Variants in PTPRT observed in about 807,000 individuals in gnomAD.
PTPRT encodes receptor-type tyrosine-protein phosphatase T.
A neutral mutation model predicts 176.8 loss-of-function variants in PTPRT; 56 were observed. The ratio of observed to expected loss-of-function variants is 0.32; its 90% confidence interval spans 0.26 to 0.40. The LOEUF is 0.40. PTPRT is among the 10% of genes least tolerant of loss of function. The probability of loss-of-function intolerance (pLI) is 1.00; values close to 1 mark genes in which losing one functional copy is unlikely to be tolerated. For missense variants in PTPRT, 1,540 were observed against 1,908.2 expected, an observed-to-expected ratio of 0.81 and a Z score of 3.60; for synonymous variants, 783 against 739.0, an observed-to-expected ratio of 1.06 and a Z score of -0.96.
At chr20:43,086,074 T>C (rs1234754818) in intron 1 of PTPRT, among the ~76,000 whole-genome samples, 1 of 152,032 alleles carries the variant, frequency 6.6e-6, no homozygotes, top group Non-Finnish European at 1.5e-5. Flanking sequence ...AAGACAAGCA[T>C]CTAAAGGGCA....
intron 1 of PTPRT, among the ~76,000 whole-genome samples, chr20:42,903,717 G>C (rs937372014): frequency 3.3e-5 from 5 of 152,190 alleles, no homozygotes; most frequent in African/African-American, 1.2e-4. Flanking sequence ...AGAATACAAA[G>C]AAGCCTCAAC....
intron 1 of PTPRT, among the ~76,000 whole-genome samples, chr20:42,906,160 C>A (rs1448948736): frequency 1.3e-5 from 2 of 152,112 alleles, no homozygotes; most frequent in Non-Finnish European, 2.9e-5. Flanking sequence ...CAGAAGAACC[C>A]ACAAGCGTCT....
rs1354494315 is a variant in PTPRT, at chr20:42,188,595, CTCA to C, written c.2491+10642_2491+10644del. Reference sequence around the variant, plus strand: ...GTAGAATTATTATCTATGTTTTCAACTCATCAAGTCTGTAGCTTTGAGCAGAGG... The same window carrying C: ...GTAGAATTATTATCTATGTTTTCAACTCAAGTCTGTAGCTTTGAGCAGAGG... On this transcript the variant is annotated intron_variant, in intron 16 of 30. Transcript: ENST00000373187. Among the ~76,000 whole-genome samples the C allele has an allele frequency of 2.0e-5, 3 of 152,218 alleles. No homozygotes were observed. The East Asian group carries it at 5.8e-4, about 29-fold the overall frequency.
intron 7 of PTPRT, among the ~76,000 whole-genome samples, chr20:42,622,752 T>TA (rs1048242954): frequency 3.3e-5 from 5 of 151,852 alleles, no homozygotes; most frequent in African/African-American, 9.7e-5. Context: ...TAGCCTGGGG[T>TA]AAAAAAACTG....
chr20:42,042,746 A>C, the PTPRT span, among the ~76,000 whole-genome samples: 7 of 152,200 alleles, frequency 4.6e-5, no homozygotes, highest in Admixed American at 1.3e-4. Context: ...ATAGCCAGTT[A>C]GTGTTTTCAG....
the PTPRT span, among the ~76,000 whole-genome samples, chr20:42,046,461 G>A: frequency 2.0e-5 from 3 of 152,252 alleles, no homozygotes; most frequent in Non-Finnish European, 4.4e-5. Context: ...CAGGCAGCCA[G>A]TGCCTCTTGC....
chr20:42,797,289 C>T (rs2077466993), intron 2 of PTPRT, among the ~76,000 whole-genome samples: 1 of 152,196 alleles, frequency 6.6e-6, no homozygotes, highest in Non-Finnish European at 1.5e-5. Context: ...GTGTCAGAAA[C>T]TGTTTATTTT....
At chr20:42,315,674 G>GA in intron 12 of PTPRT, 49 bp downstream of exon 12, 1 of 1,584,230 alleles carries the variant, frequency 6.3e-7, no homozygotes, top group Non-Finnish European at 8.6e-7. Flanking sequence ...ATTTGAGAAT[G>GA]AAAAAATGCA....
At chr20:42,513,204 GTGT>G (rs1568940713) in intron 7 of PTPRT, among the ~76,000 whole-genome samples, 2 of 65,854 alleles carry the variant, frequency 3.0e-5, no homozygotes, top group Non-Finnish European at 5.9e-5. Flanking sequence ...TTGATGGGGT[GTGT>G]GTGTGTGTGT....
At chr20:42,975,210 T>A (rs1226207302) in intron 1 of PTPRT, among the ~76,000 whole-genome samples, 1 of 152,194 alleles carries the variant, frequency 6.6e-6, no homozygotes, top group Non-Finnish European at 1.5e-5. Flanking sequence ...ATCCACTCAA[T>A]GGAATATCAT....
chr20:42,176,482 A>G (rs1161414950), intron 16 of PTPRT, among the ~76,000 whole-genome samples: 6 of 152,116 alleles, frequency 3.9e-5, no homozygotes, highest in African/African-American at 7.2e-5. Flanking sequence ...CATGATTTGG[A>G]GTTTCTCATT....
chr20:42,169,899 C>A (rs1013073623), intron 16 of PTPRT, among the ~76,000 whole-genome samples: 3 of 152,042 alleles, frequency 2.0e-5, no homozygotes, highest in African/African-American at 4.8e-5. Flanking sequence ...TGACCCTACT[C>A]CCAAAACAAG....
intron 9 of PTPRT, among the ~76,000 whole-genome samples, chr20:42,417,842 A>G (rs1356870221): frequency 6.6e-6 from 1 of 151,840 alleles, no homozygotes; most frequent in African/African-American, 2.4e-5. Flanking sequence ...GGCTCAAGTG[A>G]TCTTCCCACC....
At chr20:42,063,462 T>A in the PTPRT span, 2 of 152,186 alleles carry the variant, frequency 1.3e-5, no homozygotes, top group African/African-American at 4.8e-5. Context: ...ACAGATGGAT[T>A]CACCTCCGAG....
chr20:42,308,487 G>A (rs544039422), intron 12 of PTPRT, among the ~76,000 whole-genome samples: 13 of 152,144 alleles, frequency 8.5e-5, no homozygotes, highest in East Asian at 5.8e-4. Flanking sequence ...TGGACAAATC[G>A]GTATATGCCA....
intron 1 of PTPRT, among the ~76,000 whole-genome samples, chr20:43,153,761 C>T (rs920505375): frequency 6.6e-6 from 1 of 152,156 alleles, no homozygotes. Flanking sequence ...AAAAGATTAG[C>T]GCAATCGGTC....
intron 7 of PTPRT, among the ~76,000 whole-genome samples, chr20:42,619,373 AT>A (rs1349501949): frequency 2.1e-4 from 26 of 125,702 alleles, no homozygotes; most frequent in Non-Finnish European, 4.1e-4. Flanking sequence ...TGCCCTTAAC[AT>A]TTTTTCCTTC....
intron 1 of PTPRT, among the ~76,000 whole-genome samples, chr20:43,000,554 G>A (rs6130277): frequency 0.015 from 2,296 of 152,104 alleles, 41 homozygotes; most frequent in East Asian, 0.088. Flanking sequence ...ACATGATAGA[G>A]CTAGGAAAAA....
intron 6 of PTPRT, among the ~76,000 whole-genome samples, chr20:42,700,319 C>T (rs146820507): frequency 9.2e-5 from 14 of 152,256 alleles, no homozygotes; most frequent in African/African-American, 3.4e-4. Flanking sequence ...CCTGTCCCTC[C>T]CACTGAGCCT....
Sources: gnomAD v4.1 joint callset for allele counts (sites outside exome capture counted in the v4.1 genomes callset) on GRCh38, gnomAD v4.1.1 for gene constraint, MANE v1.5 for transcripts, NCBI Gene and HGNC (gene_info 2026-07-23, HGNC 2026-07-21) for gene names.